The following OMA1 variants were observed in gnomAD, a reference collection of about 807,000 sequenced individuals.
OMA1 encodes OMA1 zinc metallopeptidase.
OMA1 carries 38 observed loss-of-function variants against 30.9 expected under a neutral mutation model. The ratio of observed to expected loss-of-function variants is 1.23; its 90% confidence interval spans 0.95 to 1.61. The LOEUF (loss-of-function observed/expected upper bound fraction) is 1.61, where lower values mean the gene tolerates loss of function less well. Among genes scored for constraint, OMA1 ranks in the 40% most tolerant of loss-of-function variants. OMA1 has a pLI of 0.00. For missense variants in OMA1, 461 were observed against 349.2 expected (o/e 1.32, Z -2.55); for synonymous variants, 173 against 121.9 (o/e 1.42, Z -2.76).
chr1:58,518,277 G>GAGAAGAGAAGAGAA (rs1553123887), intron 7 of OMA1, among the ~76,000 whole-genome samples: 1 of 2,404 alleles, frequency 4.2e-4, no homozygotes, highest in Non-Finnish European at 7.7e-4. Context: ...AGAGAGGAGA[G>GAGAAGAGAAGAGAA]GAGAAGAGAA....
At chr1:58,490,161 T>C (rs1041512107) in intron 8 of OMA1, among the ~76,000 whole-genome samples, 2 of 152,170 alleles carry the variant, frequency 1.3e-5, no homozygotes, top group African/African-American at 4.8e-5. Context: ...AGGAGGAAGT[T>C]CGAACCCATG....
At chr1:58,505,364 T>C (rs949463299) in intron 8 of OMA1, among the ~76,000 whole-genome samples, 1 of 152,188 alleles carries the variant, frequency 6.6e-6, no homozygotes, top group African/African-American at 2.4e-5. Context: ...ACAAGTGAGA[T>C]AGAAGAGAGC....
chr1:58,500,689 T>A (rs1175130097), intron 8 of OMA1, among the ~76,000 whole-genome samples: 1 of 152,168 alleles, frequency 6.6e-6, no homozygotes, highest in African/African-American at 2.4e-5. Context: ...AACATAACCA[T>A]AAACAATGAG....
intron 1 of OMA1, among the ~76,000 whole-genome samples, chr1:58,545,185 T>TTACACCG (rs1423599927): frequency 2.0e-5 from 3 of 152,082 alleles, no homozygotes; most frequent in Non-Finnish European, 2.9e-5. Context: ...AAAAGAAAGC[T>TTACACCG]CTCATCTCTA....
intron 8 of OMA1, among the ~76,000 whole-genome samples, chr1:58,492,218 A>G (rs1490380045): frequency 6.6e-6 from 1 of 152,234 alleles, no homozygotes; most frequent in East Asian, 1.9e-4. Flanking sequence ...GAAACCAACG[A>G]GAACAAAGAC....
In OMA1 at chr1:58,536,761, T is replaced by A. The variant is rs761177918; in HGVS notation, c.501-20A>T. On this transcript the variant is annotated intron_variant, in intron 2 of 8. Transcript: ENST00000371226. ...ATGCCCCTAAAGCAAAAAGAAAAAT[T>A]CAAAGTTCTGAAAATCATTCCAGCA... The A allele has an allele frequency of 1.2e-6, 1 of 864,342 alleles. No individual in the cohort carries two copies. The highest frequency in any genetic ancestry group is 1.3e-5 in the South Asian group (1 of 75,220). The allele number at this position is 864,342 out of a possible 1,614,324, so 53.5% of individuals were successfully genotyped here. A position where few individuals can be genotyped will look rare whatever the true frequency, so the allele number is the denominator to read the frequency against.
At chr1:58,491,943 C>G (rs1321292554) in intron 8 of OMA1, among the ~76,000 whole-genome samples, 3 of 152,138 alleles carry the variant, frequency 2.0e-5, no homozygotes, top group Non-Finnish European at 2.9e-5. Flanking sequence ...ACTCTCCACC[C>G]CAAATCAACA....
At chr1:58,546,220 T>C (rs111454456) in intron 1 of OMA1, among the ~76,000 whole-genome samples, 1 of 152,226 alleles carries the variant, frequency 6.6e-6, no homozygotes, top group African/African-American at 2.4e-5. Context: ...CGTGTTCAGT[T>C]TCTCCTGAAG....
At chr1:58,527,446 C>T (rs1646370424) in intron 6 of OMA1, 111 bp from the exon 7 acceptor site, 1 of 650,622 alleles carries the variant, frequency 1.5e-6, no homozygotes, top group African/African-American at 1.8e-5. Context: ...GGATAAAATT[C>T]CTATACTGTC....
At chr1:58,544,019 G>A (rs529042726) in intron 1 of OMA1, among the ~76,000 whole-genome samples, 3 of 152,332 alleles carry the variant, frequency 2.0e-5, no homozygotes, top group South Asian at 2.1e-4. Flanking sequence ...GTCCAGGCAA[G>A]TGAATATCAG....
chr1:58,524,421 C>A (rs1324070344), intron 7 of OMA1, among the ~76,000 whole-genome samples: 2 of 152,134 alleles, frequency 1.3e-5, no homozygotes, highest in Non-Finnish European at 2.9e-5. Context: ...CTTTCATCTT[C>A]CTTTTAAGTT....
chr1:58,544,380 A>C (rs564468977), intron 1 of OMA1, among the ~76,000 whole-genome samples: 3 of 152,344 alleles, frequency 2.0e-5, no homozygotes, highest in East Asian at 1.9e-4. Flanking sequence ...CAATTTGCAA[A>C]AATAGTAATG....
chr1:58,491,387 A>C (rs1192729824), intron 8 of OMA1, among the ~76,000 whole-genome samples: 2 of 152,184 alleles, frequency 1.3e-5, no homozygotes, highest in Non-Finnish European at 2.9e-5. Context: ...TAACATCATA[A>C]TGACAGGATC....
intron 8 of OMA1, among the ~76,000 whole-genome samples, chr1:58,485,744 AAT>A (rs1337023658): frequency 6.6e-6 from 1 of 152,168 alleles, no homozygotes; most frequent in South Asian, 2.1e-4. Context: ...ATATAGCTAG[AAT>A]ATGTCTTTCC....
intron 5 of OMA1, among the ~76,000 whole-genome samples, chr1:58,531,409 A>G (rs1443401947): frequency 6.6e-6 from 1 of 152,174 alleles, no homozygotes; most frequent in African/African-American, 2.4e-5. Flanking sequence ...TACTTATATC[A>G]GTTACCAAAA....
chr1:58,519,714 C>A (rs1646230460), intron 7 of OMA1, among the ~76,000 whole-genome samples: 1 of 151,934 alleles, frequency 6.6e-6, no homozygotes, highest in Non-Finnish European at 1.5e-5. Context: ...AGCTATAATA[C>A]AGAGATTAGA....
intron 7 of OMA1, among the ~76,000 whole-genome samples, chr1:58,518,229 AGG>A (rs1557450032): frequency 7.7e-3 from 21 of 2,734 alleles, no homozygotes; most frequent in Non-Finnish European, 0.013. Flanking sequence ...GAGAGGGGAG[AGG>A]GGAGAGGGGA....
intron 8 of OMA1, among the ~76,000 whole-genome samples, chr1:58,500,604 T>G (rs1049230914): frequency 1.3e-5 from 2 of 152,204 alleles, no homozygotes; most frequent in Non-Finnish European, 2.9e-5. Context: ...AAGATTTTTT[T>G]AAGTTTCTGA....
rs1191437077 is a variant in OMA1 at position 58,502,938 on chromosome 1, C to T, written c.1365+3122G>A. 3.3e-5 allele frequency among the ~76,000 whole-genome samples: 5 copies of T among 152,170 alleles called. No homozygotes were observed. In the East Asian group the frequency reaches 5.8e-4, roughly 18 times the overall value. On this transcript the variant is annotated intron_variant, in intron 8 of 8. Transcript: ENST00000371226. ...TTATTTTTAGAAGAAAAATGTCTCACGTCTTTGTCTTCATCATTTGCTCCC... is the reference window on the plus strand; with the variant it reads ...TTATTTTTAGAAGAAAAATGTCTCATGTCTTTGTCTTCATCATTTGCTCCC...
Sources: allele counts gnomAD v4.1 joint callset (sites outside exome capture counted in the v4.1 genomes callset), GRCh38; gene constraint gnomAD v4.1.1; transcripts MANE v1.5; gene names NCBI Gene and HGNC (gene_info 2026-07-23, HGNC 2026-07-21).